The following VPS35L variants were observed in gnomAD, a reference collection of about 807,000 sequenced individuals.
VPS35L encodes VPS35 endosomal protein sorting factor like.
Under a neutral mutation model 133.0 loss-of-function variants are expected in VPS35L, and 83 were observed. The observed-to-expected ratio is 0.62, with a 90% CI of 0.52 to 0.75. VPS35L has a LOEUF of 0.75. Ranked by LOEUF, VPS35L falls within the 30% of genes least tolerant of loss-of-function variation. The probability of loss-of-function intolerance (pLI) is 0.00; values close to 1 mark genes in which losing one functional copy is unlikely to be tolerated. For missense variants in VPS35L, 1,083 were observed against 1,206.8 expected (o/e 0.90, Z 1.52); for synonymous variants, 423 against 449.9 (o/e 0.94, Z 0.76).
At chr16:19,673,416 G>A (rs1367209962) in intron 27 of VPS35L, among the ~76,000 whole-genome samples, 1 of 152,208 alleles carries the variant, frequency 6.6e-6, no homozygotes, top group Admixed American at 6.5e-5. Context: ...GGCAGCGTAT[G>A]CCTTTCTCTC....
chr16:19,688,671 A>T (rs1014836961), intron 28 of VPS35L, among the ~76,000 whole-genome samples: 1 of 152,142 alleles, frequency 6.6e-6, no homozygotes, highest in African/African-American at 2.4e-5. Flanking sequence ...GGGGGTTCAG[A>T]TGCTGAACTG....
chr16:19,608,164 T>C lies in VPS35L; in HGVS notation c.785-14T>C. On this transcript the variant is annotated splice_polypyrimidine_tract_variant and intron_variant, in intron 9 of 30. Transcript: ENST00000417362. ...ATTTAGGAGGGCTGATGGATCTTGT[T>C]TTTTGTATTACAGATCACTTTTCTC... is the stretch of plus-strand genomic sequence containing the variant. The C allele has an allele frequency of 1.1e-5, 17 of 1,594,090 alleles. No individual in the cohort carries two copies. The highest frequency in any genetic ancestry group is 1.5e-5 in the Non-Finnish European group (17 of 1,161,868).
At chr16:19,572,990 T>A in intron 3 of VPS35L, 129 bp from the exon 4 acceptor site, 2 of 1,106,700 alleles carry the variant, frequency 1.8e-6, no homozygotes, top group Non-Finnish European at 2.4e-6. Context: ...ATTTTTTTTA[T>A]GATAGTAAAC....
chr16:19,582,811 A>T (rs1372902789), intron 7 of VPS35L, among the ~76,000 whole-genome samples: 1 of 152,074 alleles, frequency 6.6e-6, no homozygotes, highest in African/African-American at 2.4e-5. Flanking sequence ...TGTTTCATCA[A>T]CTCCACATCT....
intron 2 of VPS35L, among the ~76,000 whole-genome samples, chr16:19,566,937 A>T (rs1377131429): frequency 6.6e-6 from 1 of 152,064 alleles, no homozygotes; most frequent in Non-Finnish European, 1.5e-5. Context: ...TTTTTAGTAG[A>T]GACATGGTTT....
Position 19,561,240 on chromosome 16 carries a change from G to A in VPS35L, c.18-3611G>A, listed in dbSNP as rs575020351. Among the ~76,000 whole-genome samples, 31 of 152,092 alleles carry A rather than the reference G, an allele frequency of 2.0e-4. No homozygotes were observed. In the South Asian group the frequency reaches 5.8e-3, roughly 28 times the overall value. On this transcript the variant is annotated intron_variant, in intron 1 of 30. Coordinates refer to ENST00000417362, the MANE Select transcript of VPS35L (RefSeq NM_020314.7). ...AAAAAAATTAGCCGGGTGTGGTGGC[G>A]GGCGCCTGTAGTCCCAGCTACTAGG...
intron 1 of VPS35L, 36 bp downstream of exon 1, chr16:19,555,782 G>C: frequency 6.4e-7 from 1 of 1,551,014 alleles, no homozygotes. Context: ...TTGGAGAGGG[G>C]CTGTCCTTAC....
intron 28 of VPS35L, among the ~76,000 whole-genome samples, chr16:19,686,465 A>C (rs1975464136): frequency 6.6e-6 from 1 of 152,166 alleles, no homozygotes; most frequent in African/African-American, 2.4e-5. Flanking sequence ...TAGTATGCAG[A>C]TAGAGTGTGT....
intron 8 of VPS35L, among the ~76,000 whole-genome samples, chr16:19,598,784 T>C (rs1369891729): frequency 2.3e-5 from 3 of 129,716 alleles, no homozygotes; most frequent in East Asian, 3.9e-4. Context: ...ATTCTGTCTC[T>C]TAAAAAAAAA....
chr16:19,680,914 G>GTC (rs375578969), intron 27 of VPS35L, among the ~76,000 whole-genome samples: 1 of 134,590 alleles, frequency 7.4e-6, no homozygotes, highest in African/African-American at 2.8e-5. Context: ...CTCAGAACCC[G>GTC]CCCCCCCCCT....
At chr16:19,646,069 T>G (rs770367499) in intron 23 of VPS35L, among the ~76,000 whole-genome samples, 1 of 152,100 alleles carries the variant, frequency 6.6e-6, no homozygotes, top group South Asian at 2.1e-4. Flanking sequence ...CCTGAGCCAC[T>G]GCGCCCAGCA....
chr16:19,642,581 C>T (rs1292793343), intron 22 of VPS35L, 105 bp downstream of exon 22: 5 of 914,654 alleles, frequency 5.5e-6, no homozygotes, highest in Non-Finnish European at 8.0e-6. Flanking sequence ...AATAATATTA[C>T]TTTATTGGGA....
At chr16:19,574,082 T>C (rs1488561462) in intron 4 of VPS35L, among the ~76,000 whole-genome samples, 1 of 152,146 alleles carries the variant, frequency 6.6e-6, no homozygotes. Context: ...GGTTAATGCC[T>C]GTGTGAGTTA....
At chr16:19,625,698 G>A (rs538800257) in intron 14 of VPS35L, among the ~76,000 whole-genome samples, 2 of 152,180 alleles carry the variant, frequency 1.3e-5, no homozygotes, top group African/African-American at 4.8e-5. Flanking sequence ...GATTGAGACA[G>A]GGTCTCCCTC....
chr16:19,638,355 G>A lies in VPS35L; in HGVS notation c.1698+699G>A, dbSNP rs1451561566. 7.2e-5 allele frequency among the ~76,000 whole-genome samples: 11 copies of A among 152,174 alleles called. No homozygotes were observed. In the South Asian group the frequency reaches 2.1e-3, roughly 29 times the overall value. On this transcript the variant is annotated intron_variant, in intron 20 of 30. Coordinates refer to ENST00000417362, the MANE Select transcript of VPS35L (RefSeq NM_020314.7). The stretch of plus-strand genomic sequence containing the variant: ...CCTCACATTAGTTTCATACCACCAC[G>A]GGGAAGTAGGAGTTATCACTGTAGT...
rs146764224 is a variant in VPS35L at position 19,626,097 on chromosome 16, C to T, written c.1225-80C>T. 585 of 908,618 alleles carry T rather than the reference C, an allele frequency of 6.4e-4. 4 individuals are homozygous for T. The African/African-American group carries it at 7.7e-3, about 12-fold the overall frequency. The allele number at this position is 908,618 out of a possible 1,614,324, so 56.3% of individuals were successfully genotyped here. A position where few individuals can be genotyped will look rare whatever the true frequency, so the allele number is the denominator to read the frequency against. On this transcript the variant is annotated intron_variant, in intron 14 of 30. Coordinates refer to ENST00000417362, the MANE Select transcript of VPS35L (RefSeq NM_020314.7). ...ATGTGGCTACATTCATTTTAGAGTTCGACTTTGGAAATCTCTTAGAAATGT... is the reference window on the plus strand; with the variant it reads ...ATGTGGCTACATTCATTTTAGAGTTTGACTTTGGAAATCTCTTAGAAATGT...
chr16:19,572,990 T>G, intron 3 of VPS35L, 129 bp from the exon 4 acceptor site: 1 of 1,106,700 alleles, frequency 9.0e-7, no homozygotes. Context: ...ATTTTTTTTA[T>G]GATAGTAAAC....
chr16:19,578,436 G>T (rs898145383), intron 5 of VPS35L: 2 of 397,568 alleles, frequency 5.0e-6, no homozygotes, highest in Non-Finnish European at 4.9e-6. Flanking sequence ...TGAAATAGAC[G>T]GCCGCAGAGG....
In VPS35L at chr16:19,700,444, G is replaced by A; in HGVS notation, c.2860G>A (p.Ala954Thr). The A allele has an allele frequency of 6.2e-7, 1 of 1,614,174 alleles. No individual in the cohort carries two copies. Among genetic ancestry groups the A allele is most frequent in the Non-Finnish European group, 8.5e-7 (1 of 1,180,020 alleles). ...AGACATGACTCATCTGACGGAGCTG[G>A]CCCTCAGACTCCCTCTGCAAACAAG... is the stretch of plus-strand genomic sequence containing the variant. ...QPDMTHLTEL[A>T]LRLPLQTRT The change falls in exon 31 of 31, where the codon GCC becomes ACC. Residue 954 changes from alanine to threonine, a missense_variant. Transcript: ENST00000417362.
Sources: allele counts gnomAD v4.1 joint callset (sites outside exome capture counted in the v4.1 genomes callset), GRCh38; gene constraint gnomAD v4.1.1; transcripts MANE v1.5; gene names NCBI Gene and HGNC (gene_info 2026-07-23, HGNC 2026-07-21).